The following MICU3 variants were observed in gnomAD, a reference collection of about 807,000 sequenced individuals.
The protein encoded by MICU3 is calcium uptake protein 3, mitochondrial.
MICU3 carries 62 observed loss-of-function variants against 66.5 expected under a neutral mutation model. The observed-to-expected ratio is 0.93, with a 90% CI of 0.76 to 1.15. The LOEUF (loss-of-function observed/expected upper bound fraction) is 1.15. MICU3 is among the 50% of genes most tolerant of loss of function. MICU3 has a pLI of 0.00. For missense variants in MICU3, 779 were observed against 664.4 expected, an observed-to-expected ratio of 1.17 and a Z score of -1.90; for synonymous variants, 308 against 240.7, an observed-to-expected ratio of 1.28 and a Z score of -2.59.
At chr8:17,094,403 CAAT>C (rs1800441760) in intron 8 of MICU3, among the ~76,000 whole-genome samples, 1 of 151,724 alleles carries the variant, frequency 6.6e-6, no homozygotes, top group African/African-American at 2.4e-5. Flanking sequence ...TGTTTTAAAA[CAAT>C]AATTTAAAAA....
chr8:17,061,040 C>G, intron 1 of MICU3, among the ~76,000 whole-genome samples: 1 of 152,086 alleles, frequency 6.6e-6, no homozygotes. Context: ...AGAATGCAAA[C>G]TTTTCTGTAG....
chr8:17,100,429 C>T (rs902288369), intron 9 of MICU3, among the ~76,000 whole-genome samples: 8 of 151,624 alleles, frequency 5.3e-5, no homozygotes, highest in African/African-American at 1.9e-4. Context: ...TGTTACTACC[C>T]TCCCACATTA....
rs930995372 is a variant in MICU3 at position 17,121,300 on chromosome 8, G to A, written c.*1013G>A. The A allele has an allele frequency of 1.3e-5, 2 of 151,734 alleles. No individual in the cohort carries two copies. The highest frequency in any genetic ancestry group is 2.4e-5 in the African/African-American group (1 of 41,392). 9.4% of individuals were successfully genotyped at this position (151,734 alleles called of 1,614,324 possible). ...TTCTTGCAAAAGGACCACTTGAAAA[G>A]TGATGCTAAACAGCCAGTAATAATA... On this transcript the variant is annotated 3_prime_UTR_variant, in exon 15 of 15. Transcript: ENST00000318063.
chr8:17,081,833 T>C (rs769634886), intron 5 of MICU3, 93 bp downstream of exon 5: 44 of 632,604 alleles, frequency 7.0e-5, no homozygotes, highest in Admixed American at 1.5e-4. Context: ...CTCTTGAAAA[T>C]CAATATCCAT....
At chr8:17,094,521 G>C (rs542163416) in intron 8 of MICU3, among the ~76,000 whole-genome samples, 4 of 151,990 alleles carry the variant, frequency 2.6e-5, no homozygotes, top group Non-Finnish European at 4.4e-5. Flanking sequence ...TTAATGTCTA[G>C]CTTACTAGAA....
chr8:17,099,805 C>T (rs1801100920), intron 9 of MICU3, among the ~76,000 whole-genome samples: 1 of 151,688 alleles, frequency 6.6e-6, no homozygotes, highest in African/African-American at 2.4e-5. Context: ...TTCCATGCTT[C>T]AAATCAACAG....
intron 1 of MICU3, 93 bp downstream of exon 1, chr8:17,027,753 GC>G (rs1288370155): frequency 8.1e-7 from 1 of 1,234,152 alleles, no homozygotes; most frequent in African/African-American, 1.6e-5. Flanking sequence ...CGGTGCAAGC[GC>G]TGTGGCCGCG....
intron 2 of MICU3, among the ~76,000 whole-genome samples, chr8:17,065,145 G>A (rs1213812638): frequency 1.3e-5 from 2 of 152,024 alleles, no homozygotes; most frequent in East Asian, 1.9e-4. Flanking sequence ...CTAAAAATCA[G>A]TATAACAAAT....
chr8:17,051,672 C>T (rs1478254707), intron 1 of MICU3, among the ~76,000 whole-genome samples: 1 of 152,124 alleles, frequency 6.6e-6, no homozygotes, highest in African/African-American at 2.4e-5. Flanking sequence ...CCAACTGTGT[C>T]AAATGCTATA....
At chr8:17,134,617 T>TG in the MICU3 span, among the ~76,000 whole-genome samples, 1 of 152,074 alleles carries the variant, frequency 6.6e-6, no homozygotes, top group Admixed American at 6.6e-5. Context: ...GCTAATTTTT[T>TG]TATTTTTTAG....
intron 8 of MICU3, among the ~76,000 whole-genome samples, chr8:17,092,295 T>C (rs931179774): frequency 2.0e-5 from 3 of 152,076 alleles, no homozygotes; most frequent in Non-Finnish European, 4.4e-5. Context: ...TTATGCATTT[T>C]TTTTTAGAAA....
At chr8:17,091,942 A>T (rs955815083) in intron 8 of MICU3, among the ~76,000 whole-genome samples, 1 of 152,062 alleles carries the variant, frequency 6.6e-6, no homozygotes, top group Middle Eastern at 3.4e-3. Context: ...TAGTGGCATG[A>T]TCTCAGCTCA....
In MICU3 at chr8:17,058,532, G is replaced by GT. The variant is rs528266685; in HGVS notation, c.382-5542dup. ...GTCATGTTCCGCCTTTATTATTGAT[G>GT]TTTTTTTTTTCTTGAATGTTTATAA... On this transcript the variant is annotated intron_variant, in intron 1 of 14. Transcript: ENST00000318063. 3.1e-3 allele frequency among the ~76,000 whole-genome samples: 470 copies of GT among 149,270 alleles called. 6 individuals are homozygous for GT. The highest frequency in any genetic ancestry group is 0.01 in the African/African-American group (423 of 40,734).
chr8:17,049,578 G>A (rs777651787), intron 1 of MICU3: 9 of 518,018 alleles, frequency 1.7e-5, no homozygotes, highest in African/African-American at 1.5e-4. Context: ...TTTTCCCAAG[G>A]TAACCTAACT....
chr8:17,124,055 A>G (rs1000129869), downstream of MICU3, among the ~76,000 whole-genome samples: 2 of 151,126 alleles, frequency 1.3e-5, no homozygotes, highest in African/African-American at 4.8e-5. Flanking sequence ...TTTCAAGATA[A>G]TATGTTTATA....
intron 1 of MICU3, among the ~76,000 whole-genome samples, chr8:17,053,860 A>G (rs901655869): frequency 2.6e-5 from 4 of 152,226 alleles, no homozygotes; most frequent in Non-Finnish European, 5.9e-5. Context: ...GGCAATTCCC[A>G]TAAAATAATT....
At chr8:17,037,956 T>C (rs987424100) in intron 1 of MICU3, among the ~76,000 whole-genome samples, 4 of 152,216 alleles carry the variant, frequency 2.6e-5, no homozygotes, top group African/African-American at 9.6e-5. Context: ...TTTGTACAGT[T>C]TCTCCCATTT....
rs1405883152 is a variant in MICU3, at chr8:17,027,367, C to T, written c.88C>T (p.Arg30Trp). ...AHQPLLGPWG[R>W]PAVTTLGLPG... is the part of the protein sequence containing the mutation. ...CCAGCCCCTCCTTGGGCCGTGGGGGCGGCCTGCGGTGACCACCCTGGGCCT... is the reference window on the plus strand; with the variant it reads ...CCAGCCCCTCCTTGGGCCGTGGGGGTGGCCTGCGGTGACCACCCTGGGCCT... The change falls in exon 1 of 15, where the codon CGG becomes TGG. Residue 30 changes from arginine to tryptophan, a missense_variant. By Grantham distance (101) the Arg-to-Trp change is moderately radical. Transcript: ENST00000318063. The T allele has an allele frequency of 4.7e-6, 7 of 1,494,280 alleles. No homozygotes were observed. Among genetic ancestry groups the T allele is most frequent in the Admixed American group, 2.3e-5 (1 of 43,360 alleles). The allele number at this position is 1,494,280 out of a possible 1,614,324, so 92.6% of individuals were successfully genotyped here. A position where few individuals can be genotyped will look rare whatever the true frequency, so the allele number is the denominator to read the frequency against.
chr8:17,077,465 C>T (rs1378469768), intron 3 of MICU3, among the ~76,000 whole-genome samples: 1 of 152,170 alleles, frequency 6.6e-6, no homozygotes, highest in East Asian at 1.9e-4. Context: ...TCCTTTATAA[C>T]TGGCTCCAGG....
Sources: allele counts gnomAD v4.1 joint callset (sites outside exome capture counted in the v4.1 genomes callset), GRCh38; gene constraint gnomAD v4.1.1; transcripts MANE v1.5; gene names NCBI Gene and HGNC (gene_info 2026-07-23, HGNC 2026-07-21).